GALK2: variants seen among roughly 807,000 people sequenced by gnomAD.
GALK2 encodes N-acetylgalactosamine kinase.
Under a neutral mutation model 52.4 loss-of-function variants are expected in GALK2, and 36 were observed. The ratio of observed to expected loss-of-function variants is 0.69; its 90% CI spans 0.53 to 0.91. The LOEUF is 0.91. Among genes scored for constraint, GALK2 ranks in the 40% least tolerant of loss-of-function variants. GALK2 has a pLI of 0.00. For missense variants in GALK2, 579 were observed against 559.1 expected, an observed-to-expected ratio of 1.04 and a Z score of -0.36; for synonymous variants, 176 against 199.1, an observed-to-expected ratio of 0.88 and a Z score of 0.98.
chr15:49,319,368 A>C (rs2036698817), intron 8 of GALK2, among the ~76,000 whole-genome samples: 1 of 152,176 alleles, frequency 6.6e-6, no homozygotes, highest in African/African-American at 2.4e-5. Context: ...ATGTGTGTTG[A>C]GTGAAGTGAA....
intron 1 of GALK2, among the ~76,000 whole-genome samples, chr15:49,181,470 A>G (rs1261911847): frequency 6.8e-6 from 1 of 147,894 alleles, no homozygotes; most frequent in Non-Finnish European, 1.5e-5. Context: ...TTAGTAAAGC[A>G]TCAGTAAATG....
chr15:49,343,122 C>T (rs945035906), intron 3 of GALK2, among the ~76,000 whole-genome samples: 2 of 152,086 alleles, frequency 1.3e-5, no homozygotes, highest in African/African-American at 4.8e-5. Flanking sequence ...AATATGTTTT[C>T]TGTGTTGTAT....
intron 9 of GALK2, among the ~76,000 whole-genome samples, chr15:49,322,949 T>C (rs1596114266): frequency 8.4e-6 from 1 of 118,558 alleles, no homozygotes; most frequent in Non-Finnish European, 1.6e-5. Context: ...AGAGCAAGAC[T>C]CCATCTCAGG....
At chr15:49,237,467 T>C (rs1211219980) in intron 4 of GALK2, among the ~76,000 whole-genome samples, 1 of 151,746 alleles carries the variant, frequency 6.6e-6, no homozygotes, top group Non-Finnish European at 1.5e-5. Context: ...TTTTTGTTTT[T>C]TTGTTTTTGT....
chr15:49,161,525 C>T (rs1443034871), intron 1 of GALK2, among the ~76,000 whole-genome samples: 1 of 151,794 alleles, frequency 6.6e-6, no homozygotes, highest in African/African-American at 2.4e-5. Context: ...TAATTTTATT[C>T]AATGGTAAAT....
At chr15:49,180,617 C>G (rs2085884292) in intron 1 of GALK2, among the ~76,000 whole-genome samples, 1 of 152,098 alleles carries the variant, frequency 6.6e-6, no homozygotes, top group Non-Finnish European at 1.5e-5. Context: ...TGTTAAAAGC[C>G]AGGTTTCTCA....
At chr15:49,277,519 C>T (rs545719064) in intron 5 of GALK2, among the ~76,000 whole-genome samples, 4 of 145,766 alleles carry the variant, frequency 2.7e-5, no homozygotes, top group South Asian at 4.6e-4. Context: ...CCTTTCTGGC[C>T]GGGCGCGGTG....
At chr15:49,362,892 ATTAC>A (rs1173714340) in intron 3 of GALK2, among the ~76,000 whole-genome samples, 2 of 152,130 alleles carry the variant, frequency 1.3e-5, no homozygotes, top group African/African-American at 2.4e-5. Flanking sequence ...TCCTTTCCCT[ATTAC>A]TTGTTTTGTC....
intron 3 of GALK2, among the ~76,000 whole-genome samples, chr15:49,358,715 T>C (rs755691615): frequency 2.0e-5 from 3 of 151,688 alleles, no homozygotes; most frequent in African/African-American, 7.2e-5. Context: ...AATGACTTTC[T>C]TCACAGAATT....
intron 8 of GALK2, among the ~76,000 whole-genome samples, chr15:49,312,958 A>C (rs938657089): frequency 1.7e-4 from 26 of 152,184 alleles, no homozygotes; most frequent in Non-Finnish European, 1.0e-4. Flanking sequence ...ATATTTGCCC[A>C]CTCTTCTGCT....
chr15:49,333,417 T>C (rs982035455), downstream of GALK2, among the ~76,000 whole-genome samples: 5 of 152,202 alleles, frequency 3.3e-5, no homozygotes, highest in African/African-American at 1.2e-4. Context: ...TTTGAATACT[T>C]CTTGTGAGTT....
At chr15:49,365,535 C>T in intron 3 of GALK2, 1 of 859,778 alleles carries the variant, frequency 1.2e-6, no homozygotes, top group South Asian at 1.3e-5. Context: ...TGACTACTGG[C>T]AATGTTTCAG....
At chr15:49,242,779 C>G (rs2091162539) in intron 5 of GALK2, among the ~76,000 whole-genome samples, 1 of 152,170 alleles carries the variant, frequency 6.6e-6, no homozygotes, top group South Asian at 2.1e-4. Context: ...GGCAAAAGAT[C>G]TATGAAAAAG....
At chr15:49,263,940 CT>C (rs1213666977) in intron 5 of GALK2, among the ~76,000 whole-genome samples, 1 of 152,034 alleles carries the variant, frequency 6.6e-6, no homozygotes, top group African/African-American at 2.4e-5. Flanking sequence ...AAGAGATCCA[CT>C]GTTAGTCTGA....
intron 5 of GALK2, among the ~76,000 whole-genome samples, chr15:49,258,825 TGTGTGAGA>T (rs1566986743): frequency 1.7e-4 from 20 of 121,048 alleles, no homozygotes; most frequent in African/African-American, 6.3e-4. Flanking sequence ...TGTGTGTGTG[TGTGTGAGA>T]GAGAGAGAGA....
At chr15:49,250,830 C>G (rs1361444983) in intron 5 of GALK2, among the ~76,000 whole-genome samples, 1 of 152,074 alleles carries the variant, frequency 6.6e-6, no homozygotes, top group Non-Finnish European at 1.5e-5. Context: ...AGATTTTATA[C>G]TCTTTGTCAA....
intron 3 of GALK2, among the ~76,000 whole-genome samples, chr15:49,219,238 C>A (rs749678803): frequency 6.6e-6 from 1 of 152,124 alleles, no homozygotes; most frequent in Non-Finnish European, 1.5e-5. Flanking sequence ...GTAATTGAAT[C>A]ATGGGGGCAA....
At chr15:49,242,045 C>T (rs1026690484) in intron 5 of GALK2, among the ~76,000 whole-genome samples, 2 of 151,540 alleles carry the variant, frequency 1.3e-5, no homozygotes, top group African/African-American at 4.9e-5. Flanking sequence ...TGGAGTGAGA[C>T]AGAATCTTGA....
At chr15:49,250,783 A>G (rs1188280552) in intron 5 of GALK2, among the ~76,000 whole-genome samples, 1 of 152,204 alleles carries the variant, frequency 6.6e-6, no homozygotes, top group East Asian at 1.9e-4. Flanking sequence ...TTTCATGTAT[A>G]TAATTAATGT....
Sources: allele counts gnomAD v4.1 joint callset (sites outside exome capture counted in the v4.1 genomes callset), GRCh38; gene constraint gnomAD v4.1.1; transcripts MANE v1.5; gene names NCBI Gene and HGNC (gene_info 2026-07-23, HGNC 2026-07-21).